The following PSD4 variants were observed in gnomAD, a reference collection of about 807,000 sequenced individuals.
PSD4 encodes the protein pleckstrin and Sec7 domain containing 4.
A neutral mutation model predicts 112.5 loss-of-function variants in PSD4; 59 were observed. The ratio of observed to expected loss-of-function variants is 0.52; its 90% CI spans 0.43 to 0.65. The LOEUF is 0.65. Among genes scored for constraint, PSD4 ranks in the 30% least tolerant of loss-of-function variants. The pLI is 0.00. For missense variants in PSD4, 1,267 were observed against 1,352.6 expected (o/e 0.94, Z 0.99); for synonymous variants, 533 against 540.0 (o/e 0.99, Z 0.18).
chr2:113,199,034 G>A (rs967392827), intron 15 of PSD4, 49 bp from the exon 16 acceptor site: 2 of 1,512,616 alleles, frequency 1.3e-6, no homozygotes, highest in African/African-American at 2.8e-5. Flanking sequence ...CCCGGAAAGC[G>A]GCGGAGGGGA....
chr2:113,191,718 G>T, intron 5 of PSD4, among the ~76,000 whole-genome samples: 1 of 152,338 alleles, frequency 6.6e-6, no homozygotes, highest in East Asian at 1.9e-4. Flanking sequence ...GTTTAGATTG[G>T]ATTGAGTGAC....
In PSD4 at chr2:113,203,372, A is replaced by G. The variant is rs1214033158; in HGVS notation, c.*1957A>G. On this transcript the variant is annotated 3_prime_UTR_variant, in exon 17 of 17. Coordinates refer to ENST00000245796, the MANE Select transcript of PSD4 (RefSeq NM_012455.3). The stretch of plus-strand genomic sequence containing the variant: ...CAGCCTGGGTCAGAGGGATAGATAA[A>G]TATGTTTAAAGCTCCTTGGGTAATT... 6.6e-6 allele frequency: 1 copy of G among 152,140 alleles called. No individual in the cohort carries two copies. The highest frequency in any genetic ancestry group is 1.5e-5 in the Non-Finnish European group (1 of 68,026). The allele number at this position is 152,140 out of a possible 1,614,324, so 9.4% of individuals were successfully genotyped here. A position where few individuals can be genotyped will look rare whatever the true frequency, so the allele number is the denominator to read the frequency against.
rs748444857 is a variant in PSD4 at position 113,182,846 on chromosome 2, ATCACCAGGG to A, written c.398_406del (p.Gly133_Pro135del). Reference sequence around the variant, plus strand: ...AGAGGGAGCACAGGCAGAACACAGCATCACCAGGGTCACCAGTGAACAGCCATCTACCGG... The same window carrying A: ...AGAGGGAGCACAGGCAGAACACAGCATCACCAGTGAACAGCCATCTACCGG... On this transcript the variant is annotated inframe_deletion, in exon 2 of 17. Transcript: ENST00000245796. 6.2e-7 allele frequency: 1 copy of A among 1,613,944 alleles called. No homozygotes were observed. The highest frequency in any genetic ancestry group is 8.5e-7 in the Non-Finnish European group (1 of 1,179,844).
chr2:113,182,169 T>C (rs1688153125), intron 1 of PSD4, among the ~76,000 whole-genome samples, 177 bp from the exon 2 acceptor site: 1 of 152,136 alleles, frequency 6.6e-6, no homozygotes. Flanking sequence ...TTAGAGATTG[T>C]GGGATCAGAT....
chr2:113,198,952 C>G (rs909271877), intron 15 of PSD4, 68 bp downstream of exon 15: 5 of 1,533,542 alleles, frequency 3.3e-6, no homozygotes, highest in Non-Finnish European at 3.5e-6. Context: ...CCAGGACTAA[C>G]TCGGGGAGGC....
chr2:113,187,757 T>C (rs3791336), intron 5 of PSD4, among the ~76,000 whole-genome samples: 64,977 of 152,064 alleles, frequency 0.43, 14,414 homozygotes, highest in East Asian at 0.77. Context: ...TATGAAAACG[T>C]TCCCTGATAA....
At chr2:113,195,701 T>A in intron 10 of PSD4, 26 bp from the exon 11 acceptor site, 1 of 1,614,154 alleles carries the variant, frequency 6.2e-7, no homozygotes, top group Non-Finnish European at 8.5e-7. Context: ...GAGGCTCCCC[T>A]GCCCACCTGT....
At chr2:113,183,569 C>G in intron 2 of PSD4, 57 bp downstream of exon 2, 1 of 1,434,204 alleles carries the variant, frequency 7.0e-7, no homozygotes, top group Non-Finnish European at 9.4e-7. Flanking sequence ...AAGGGAGGGT[C>G]TTCCTCGGGG....
rs765969506 is a variant in PSD4 at position 113,192,557 on chromosome 2, G to C, written c.1806G>C (p.Arg602=). Residue 602 remains arginine (R), a synonymous_variant, in exon 6 of 17, where the codon CGG becomes CGC. Transcript: ENST00000245796. ...GCCTCTATCGCCTGGAGGGCTTCCGGAAGTCTGAAGTGGCTGCCTACCTGC... is the reference window on the plus strand; with the variant it reads ...GCCTCTATCGCCTGGAGGGCTTCCGCAAGTCTGAAGTGGCTGCCTACCTGC... ...ASRLYRLEGF[R]KSEVAAYLQK... 6.2e-7 allele frequency: 1 copy of C among 1,614,188 alleles called. No homozygotes were observed. The highest frequency in any genetic ancestry group is 8.5e-7 in the Non-Finnish European group (1 of 1,180,010).
chr2:113,198,101 G>T (rs916985154), intron 14 of PSD4, 188 bp downstream of exon 14: 1 of 733,526 alleles, frequency 1.4e-6, no homozygotes, highest in African/African-American at 1.8e-5. Flanking sequence ...CCCAGGCATC[G>T]CCTACTTCCT....
Position 113,197,859 on chromosome 2 carries a change from C to A in PSD4, c.2570C>A (p.Pro857Gln). Residue 857 changes from proline (P) to glutamine (Q), a missense_variant, in exon 14 of 17, where the codon CCG becomes CAG. Around this residue, in one of 2 missense-constraint regions of PSD4, gnomAD observed 544 missense variants for 648.6 expected, o/e 0.84. Transcript: ENST00000245796. ...CCCGCCACGCATTACACCAAGAAGC[C>A]GCACGTCTTCCAGCTGCGCACGGCT... is the stretch of plus-strand genomic sequence containing the variant. ...ATPATHYTKK[P>Q]HVFQLRTADW... 2 of 1,608,282 alleles carry A rather than the reference C, an allele frequency of 1.2e-6. No homozygotes were observed. The highest frequency in any genetic ancestry group is 1.7e-6 in the Non-Finnish European group (2 of 1,176,226).
At chr2:113,176,087 G>A (rs1362287492) in intron 1 of PSD4, among the ~76,000 whole-genome samples, 2 of 152,224 alleles carry the variant, frequency 1.3e-5, no homozygotes, top group African/African-American at 4.8e-5. Context: ...GGTGGTCAGT[G>A]CAGGGCACCC....
intron 10 of PSD4, among the ~76,000 whole-genome samples, chr2:113,195,468 C>T (rs1207799392): frequency 2.0e-5 from 3 of 151,458 alleles, no homozygotes; most frequent in Non-Finnish European, 4.4e-5. Context: ...GGCAGGTCAT[C>T]TTTATGTCTC....
chr2:113,182,564 G>T lies in PSD4; in HGVS notation c.108G>T (p.Thr36=), dbSNP rs373937273. ...ACCCAGGAGAGTGCCCAAGGGAAAC[G>T]TGCAGCCATGAGGATCCACCGGAGC... The part of the protein sequence containing the change: ...EPHPGECPRE[T]CSHEDPPEPF... The change falls in exon 2 of 17, where the codon ACG becomes ACT. Residue 36 remains threonine, a synonymous_variant. Transcript: ENST00000245796. The T allele has an allele frequency of 6.2e-7, 1 of 1,614,152 alleles. No homozygotes were observed. The highest frequency in any genetic ancestry group is 1.7e-5 in the Admixed American group (1 of 60,016).
chr2:113,185,711 G>C, intron 4 of PSD4, 166 bp from the exon 5 acceptor site: 1 of 1,548,898 alleles, frequency 6.5e-7, no homozygotes, highest in Non-Finnish European at 8.7e-7. Flanking sequence ...CTGGGAGCCC[G>C]CTGTCTGCTG....
chr2:113,185,939 AG>A lies in PSD4; in HGVS notation c.1314del (p.Ser439AlafsTer47), dbSNP rs1324231343. On this transcript the variant is annotated frameshift_variant, in exon 5 of 17. Coordinates refer to ENST00000245796, the MANE Select transcript of PSD4 (RefSeq NM_012455.3). LOFTEE classifies it high-confidence loss of function. ...CTGCACCTTGGCCCCCTGCCCCTGG[AG>A]GAGCCCAGCTTCTTCTCCAGAGCCT... ...LPCTLAPCPW[R>X]SPASSPEPSS... The A allele has an allele frequency of 1.2e-6, 2 of 1,613,920 alleles. No homozygotes were observed. The highest frequency in any genetic ancestry group is 1.7e-6 in the Non-Finnish European group (2 of 1,179,852).
chr2:113,201,474 C>G lies in PSD4; in HGVS notation c.*59C>G. On this transcript the variant is annotated 3_prime_UTR_variant, in exon 17 of 17. Transcript: ENST00000245796. ...TCCAGGGTAGACCTGAGATGAACCT[C>G]CCTGGAGGAGACTTATTTCAATGAG... 1 of 1,585,194 alleles carries G rather than the reference C, an allele frequency of 6.3e-7. No homozygotes were observed. The highest frequency in any genetic ancestry group is 8.6e-7 in the Non-Finnish European group (1 of 1,165,028).
At position 113,196,026 on chromosome 2, in the gene PSD4, G is replaced by C. The variant is rs779767279; in HGVS notation, c.2226-121G>C. 21 of 1,278,960 alleles carry C rather than the reference G, an allele frequency of 1.6e-5. No homozygotes were observed. The East Asian group carries it at 1.9e-4, about 11-fold the overall frequency. The allele number at this position is 1,278,960 out of a possible 1,614,324, so 79.2% of individuals were successfully genotyped here. A position where few individuals can be genotyped will look rare whatever the true frequency, so the allele number is the denominator to read the frequency against. ...TTCACTGTGAAGGAGGACTCCTTGTGGGGGGTCCTGGGGTGTGGCTTCCCA... is the reference window on the plus strand; with the variant it reads ...TTCACTGTGAAGGAGGACTCCTTGTCGGGGGTCCTGGGGTGTGGCTTCCCA... On this transcript the variant is annotated intron_variant, in intron 11 of 16. Transcript: ENST00000245796.
intron 14 of PSD4, 22 bp from the exon 15 acceptor site, chr2:113,198,718 C>A: frequency 6.6e-7 from 1 of 1,519,172 alleles, no homozygotes. Context: ...TCCCCGGGGA[C>A]CAACGACCTC....
Sources: gnomAD v4.1 joint callset for allele counts (sites outside exome capture counted in the v4.1 genomes callset) on GRCh38, gnomAD v4.1.1 for gene constraint, gnomAD v4.1.1 regional missense constraint, MANE v1.5 for transcripts, NCBI Gene and HGNC (gene_info 2026-07-23, HGNC 2026-07-21) for gene names.